ZMYM2: variants seen among roughly 807,000 people sequenced by gnomAD.
ZMYM2 encodes the protein zinc finger MYM-type containing 2.
Under a neutral mutation model 162.8 loss-of-function variants are expected in ZMYM2, and 56 were observed. The ratio of observed to expected loss-of-function variants is 0.34; its 90% confidence interval spans 0.28 to 0.43. ZMYM2 has a LOEUF of 0.43. Ranked by LOEUF, ZMYM2 falls within the 20% of genes least tolerant of loss-of-function variation. The probability of loss-of-function intolerance (pLI) is 1.00; values close to 1 mark genes in which losing one functional copy is unlikely to be tolerated. For synonymous variants in ZMYM2, 510 were observed against 541.6 expected, an observed-to-expected ratio of 0.94 and a Z score of 0.81; for missense variants, 1,275 against 1,621.8, an observed-to-expected ratio of 0.79 and a Z score of 3.67.
the ZMYM2 span, among the ~76,000 whole-genome samples, chr13:19,914,631 G>C: frequency 6.6e-6 from 1 of 152,336 alleles, no homozygotes; most frequent in South Asian, 2.1e-4. Flanking sequence ...TTCCTTGCAA[G>C]AAATGCTTCT....
At chr13:19,886,115 AC>A in the ZMYM2 span, among the ~76,000 whole-genome samples, 1 of 144,506 alleles carries the variant, frequency 6.9e-6, no homozygotes, top group Non-Finnish European at 1.5e-5. Context: ...ATAATTTATG[AC>A]CCTGTTCAAA....
At chr13:19,961,027 A>G (rs1955149958) in intron 2 of ZMYM2, among the ~76,000 whole-genome samples, 1 of 152,140 alleles carries the variant, frequency 6.6e-6, no homozygotes, top group South Asian at 2.1e-4. Flanking sequence ...ACAGTCCAGG[A>G]CACTTTCCTT....
chr13:19,945,321 G>A, the ZMYM2 span, among the ~76,000 whole-genome samples: 75 of 152,050 alleles, frequency 4.9e-4, no homozygotes, highest in African/African-American at 1.6e-3. Flanking sequence ...TCACGATCTC[G>A]GCTCACTACA....
chr13:19,982,650 C>G (rs569916688), intron 2 of ZMYM2, among the ~76,000 whole-genome samples: 1 of 152,254 alleles, frequency 6.6e-6, no homozygotes, highest in South Asian at 2.1e-4. Context: ...TTCAGTGGTT[C>G]CTGAACCTGT....
the ZMYM2 span, among the ~76,000 whole-genome samples, chr13:19,934,494 A>G: frequency 1.1e-4 from 17 of 152,150 alleles, no homozygotes; most frequent in Admixed American, 2.6e-4. Flanking sequence ...CGTCAATTTG[A>G]TATCTATATT....
At chr13:19,906,284 G>GTA in the ZMYM2 span, among the ~76,000 whole-genome samples, 5,818 of 63,376 alleles carry the variant, frequency 0.092, 463 homozygotes, top group East Asian at 0.17. Flanking sequence ...TCAAAAAAAA[G>GTA]TATATATATA....
rs746575538 is a variant in ZMYM2, at chr13:20,082,863, T to G, written c.3651T>G (p.Asn1217Lys). ...LGSHSPVALLNTLFYFNTKYF... is the reference protein window; with the variant it reads ...LGSHSPVALLKTLFYFNTKYF... ...CACACTCTCCAGTAGCTCTTCTGAA[T>G]ACACTGTTCTACTTTAACACTAAGT... is the stretch of plus-strand genomic sequence containing the variant. Residue 1217 changes from asparagine (N) to lysine (K), a missense_variant, in exon 23 of 25, where the codon AAT (asparagine) becomes AAG (lysine). Asn to Lys is a moderately conservative substitution (Grantham distance 94). This residue lies in a region of ZMYM2 where 103 missense variants were observed against 192.2 expected (regional missense o/e 0.54). Coordinates refer to ENST00000610343, the MANE Select transcript of ZMYM2 (RefSeq NM_197968.4). 1 of 1,613,938 alleles carries G rather than the reference T, an allele frequency of 6.2e-7. No individual in the cohort carries two copies. The highest frequency in any genetic ancestry group is 1.1e-5 in the South Asian group (1 of 91,074).
At chr13:19,952,171 T>G in the ZMYM2 span, among the ~76,000 whole-genome samples, 1 of 152,036 alleles carries the variant, frequency 6.6e-6, no homozygotes, top group Non-Finnish European at 1.5e-5. Flanking sequence ...ACATATGGAA[T>G]CTTAAACAAG....
rs778393324 is a variant in ZMYM2 at position 20,064,129 on chromosome 13, T to G, written c.3038-322T>G. On this transcript the variant is annotated intron_variant, in intron 18 of 24. Coordinates refer to ENST00000610343, the MANE Select transcript of ZMYM2 (RefSeq NM_197968.4). Reference sequence around the variant, plus strand: ...AAACATTAGTTTTTGGAAAAAACATTTAATAGATTGAATCAGATTTGTACC... The same window carrying G: ...AAACATTAGTTTTTGGAAAAAACATGTAATAGATTGAATCAGATTTGTACC... 7.9e-5 allele frequency among the ~76,000 whole-genome samples: 12 copies of G among 151,916 alleles called. No homozygotes were observed. In the Middle Eastern group the frequency reaches 0.01, roughly 129 times the overall value.
rs747712695 is a variant in ZMYM2 at position 20,062,867 on chromosome 13, T to C, written c.2933T>C (p.Ile978Thr). Residue 978 changes from isoleucine (I) to threonine (T), a missense_variant, in exon 18 of 25, where the codon ATA (isoleucine) becomes ACA (threonine). Ile to Thr is a moderately conservative substitution (Grantham distance 89, BLOSUM62 -1). Coordinates refer to ENST00000610343, the MANE Select transcript of ZMYM2 (RefSeq NM_197968.4). ...NINSVIIETD[I>T]IGSDLLKNSD... ...TCAGGTGTAATTATTGAAACAGATATAATTGGTTCAGACCTTTTGAAGAAC... is the reference window on the plus strand; with the variant it reads ...TCAGGTGTAATTATTGAAACAGATACAATTGGTTCAGACCTTTTGAAGAAC... The C allele has an allele frequency of 7.0e-6, 11 of 1,581,910 alleles. No individual in the cohort carries two copies. The South Asian group carries it at 1.3e-4, about 18-fold the overall frequency.
At chr13:19,905,006 A>AT in the ZMYM2 span, among the ~76,000 whole-genome samples, 19,262 of 129,876 alleles carry the variant, frequency 0.15, 1,826 homozygotes, top group Admixed American at 0.17. Context: ...CTTGCTTTCA[A>AT]TTTTTTTTTT....
the ZMYM2 span, among the ~76,000 whole-genome samples, chr13:19,870,314 C>T: frequency 6.6e-6 from 1 of 152,098 alleles, no homozygotes; most frequent in Non-Finnish European, 1.5e-5. Flanking sequence ...TACCACCATA[C>T]CCAGCTAATT....
rs556742285 is a variant in ZMYM2 at position 20,007,837 on chromosome 13, T to C, written c.1512+1251T>C. ...GGATTCACCATGTTGGCCAGGCTGG[T>C]CTCACACTCCTGAGCTCAAGTGGTC... On this transcript the variant is annotated intron_variant, in intron 6 of 24. Coordinates refer to ENST00000610343, the MANE Select transcript of ZMYM2 (RefSeq NM_197968.4). 4.4e-4 allele frequency among the ~76,000 whole-genome samples: 67 copies of C among 152,106 alleles called. 1 individual carries two copies. The South Asian group carries it at 0.014, about 31-fold the overall frequency.
the ZMYM2 span, among the ~76,000 whole-genome samples, chr13:19,949,375 C>T: frequency 6.6e-6 from 1 of 152,144 alleles, no homozygotes; most frequent in East Asian, 1.9e-4. Context: ...GATCACGCCA[C>T]TGCACTTCAG....
chr13:20,077,904 G>A (rs1957622722), intron 21 of ZMYM2, among the ~76,000 whole-genome samples: 1 of 149,228 alleles, frequency 6.7e-6, no homozygotes, highest in Non-Finnish European at 1.5e-5. Flanking sequence ...GTGCAGTGGT[G>A]TGATCTGGGT....
intron 2 of ZMYM2, among the ~76,000 whole-genome samples, chr13:19,978,604 G>A (rs1319278966): frequency 1.3e-5 from 2 of 151,930 alleles, no homozygotes; most frequent in African/African-American, 4.8e-5. Flanking sequence ...TAGTAGAGAC[G>A]GGGTTTCTTC....
intron 7 of ZMYM2, among the ~76,000 whole-genome samples, chr13:20,024,105 T>C (rs1002268290): frequency 8.5e-5 from 13 of 152,216 alleles, no homozygotes; most frequent in African/African-American, 2.9e-4. Flanking sequence ...TGGCTAACTT[T>C]TGTATTTTTA....
At chr13:19,906,349 G>GTGTGTATATATATATGTATATATATA in the ZMYM2 span, among the ~76,000 whole-genome samples, 9 of 136,404 alleles carry the variant, frequency 6.6e-5, no homozygotes, top group Non-Finnish European at 1.4e-4. Context: ...ATATATATGT[G>GTGTGTATATATATATGTATATATATA]TGTGTATATA....
chr13:19,889,046 A>T, the ZMYM2 span, among the ~76,000 whole-genome samples: 1 of 151,878 alleles, frequency 6.6e-6, no homozygotes, highest in Non-Finnish European at 1.5e-5. Context: ...ACTTTCTGAG[A>T]TCCGACTGCA....
Sources: gnomAD v4.1 joint callset for allele counts (sites outside exome capture counted in the v4.1 genomes callset) on GRCh38, gnomAD v4.1.1 for gene constraint, gnomAD v4.1.1 regional missense constraint, MANE v1.5 for transcripts, NCBI Gene and HGNC (gene_info 2026-07-23, HGNC 2026-07-21) for gene names.